The following USP6 variants were observed in gnomAD, a reference collection of about 807,000 sequenced individuals.
USP6 encodes ubiquitin specific peptidase 6, also known as ubiquitin carboxyl-terminal hydrolase 6.
A neutral mutation model predicts 175.7 loss-of-function variants in USP6; 128 were observed. That is an observed-to-expected ratio of 0.73 (90% CI 0.63 to 0.84). USP6 has a LOEUF of 0.84. USP6 is among the 40% of genes least tolerant of loss of function. The pLI is 0.00. For missense variants in USP6, 1,498 were observed against 1,760.3 expected (o/e 0.85, Z 2.67); for synonymous variants, 562 against 630.6 (o/e 0.89, Z 1.63).
At chr17:5,118,920 TTTGA>T (rs755409516) in intron 2 of USP6, among the ~76,000 whole-genome samples, 27 of 152,162 alleles carry the variant, frequency 1.8e-4, no homozygotes, top group Non-Finnish European at 2.8e-4. Flanking sequence ...AAAGGCAACA[TTTGA>T]TTGGTAAGAA....
rs143899101 is a variant in USP6 at position 5,157,651 on chromosome 17, G to A, written c.2828+2045G>A. On this transcript the variant is annotated intron_variant, in intron 31 of 37. Coordinates refer to ENST00000574788, the MANE Select transcript of USP6 (RefSeq NM_001304284.2). ...TTCTTTTTTCTGGTTGGCGGGGGGCGGGATGGAGTCTTGCTCTGTCGCCAG... is the reference window on the plus strand; with the variant it reads ...TTCTTTTTTCTGGTTGGCGGGGGGCAGGATGGAGTCTTGCTCTGTCGCCAG... Among the ~76,000 whole-genome samples the A allele has an allele frequency of 7.9e-5, 12 of 152,018 alleles. No individual in the cohort carries two copies. The East Asian group carries it at 1.9e-3, about 25-fold the overall frequency.
intron 6 of USP6, among the ~76,000 whole-genome samples, chr17:5,126,589 C>T (rs556650656): frequency 3.9e-5 from 6 of 152,170 alleles, no homozygotes; most frequent in Non-Finnish European, 8.8e-5. Flanking sequence ...TTGTGTCTCT[C>T]TCCCCATCTC....
intron 31 of USP6, among the ~76,000 whole-genome samples, chr17:5,157,377 C>T (rs1430594266): frequency 3.3e-5 from 5 of 152,098 alleles, no homozygotes; most frequent in African/African-American, 7.2e-5. Context: ...TGAGCCATCG[C>T]GCCCAGCCAA....
Position 5,168,803 on chromosome 17 carries a change from C to G in USP6, c.3265C>G (p.Gln1089Glu), listed in dbSNP as rs781756765. Residue 1089 changes from glutamine to glutamate, a missense_variant, in exon 35 of 38, where the codon CAG becomes GAG. Gln to Glu is a conservative substitution (Grantham distance 29). Transcript: ENST00000574788. ...TAAGCGATTTCAATTTGTAAATGAT[C>G]AGTGGATAAAATCACAGAAAATTGT... Reference protein sequence around the residue: ...HLKRFQFVNDQWIKSQKIVRF... With the variant: ...HLKRFQFVNDEWIKSQKIVRF... 1.2e-6 allele frequency: 2 copies of G among 1,606,522 alleles called. No homozygotes were observed. Among genetic ancestry groups the G allele is most frequent in the Non-Finnish European group, 1.7e-6 (2 of 1,176,554 alleles).
rs565983821 is a variant in USP6 at position 5,130,449 on chromosome 17, G to A, written c.72+10G>A. On this transcript the variant is annotated intron_variant, in intron 10 of 37. Coordinates refer to ENST00000574788, the MANE Select transcript of USP6 (RefSeq NM_001304284.2). The stretch of plus-strand genomic sequence containing the variant: ...TATGAAGTATGACAAGGTACAGTTC[G>A]GTCTGCTCCTTGGAGGGAGGCCTCT... The A allele has an allele frequency of 2.5e-5, 41 of 1,614,042 alleles. No individual in the cohort carries two copies. The South Asian group carries it at 4.0e-4, about 16-fold the overall frequency.
chr17:5,123,093 C>T (rs2072749797), intron 4 of USP6: 1 of 153,464 alleles, frequency 6.5e-6, no homozygotes, highest in African/African-American at 2.4e-5. Context: ...GGGCCCCATC[C>T]TTGTCGTCGT....
In USP6 at chr17:5,133,931, C is replaced by T. The variant is rs1005480673; in HGVS notation, c.429C>T (p.His143=). The part of the protein sequence containing the change: ...RGKRSSEHIH[H]IDLDVRTTLR... Reference sequence around the variant, plus strand: ...AGAGGTCATCTGAACACATCCACCACATCGACCTGGACGTGAGGACGACTC... The same window carrying T: ...AGAGGTCATCTGAACACATCCACCATATCGACCTGGACGTGAGGACGACTC... The change falls in exon 15 of 38, where the codon CAC becomes CAT. Residue 143 remains histidine, a synonymous_variant. Transcript: ENST00000574788. 3 of 1,614,074 alleles carry T rather than the reference C, an allele frequency of 1.9e-6. No individual in the cohort carries two copies. The African/African-American group carries it at 4.0e-5, about 22-fold the overall frequency.
At chr17:5,164,611 C>T (rs531745486) in intron 33 of USP6, among the ~76,000 whole-genome samples, 4 of 152,340 alleles carry the variant, frequency 2.6e-5, no homozygotes, top group East Asian at 1.9e-4. Flanking sequence ...AAACGGCCTA[C>T]GTGACCTGTT....
At chr17:5,144,328 A>G (rs1232109586) in intron 25 of USP6, among the ~76,000 whole-genome samples, 3 of 152,182 alleles carry the variant, frequency 2.0e-5, no homozygotes. Flanking sequence ...TAAAATATAC[A>G]TATTTTATAT....
At chr17:5,155,333 T>A in intron 30 of USP6, 89 bp from the exon 31 acceptor site, 1 of 1,419,486 alleles carries the variant, frequency 7.0e-7, no homozygotes, top group South Asian at 1.2e-5. Flanking sequence ...GAAATGGTGA[T>A]AATGCCTATC....
chr17:5,145,886 G>C, intron 27 of USP6, 137 bp from the exon 28 acceptor site: 1 of 1,265,622 alleles, frequency 7.9e-7, no homozygotes, highest in East Asian at 2.7e-5. Flanking sequence ...ATCTGTTTTA[G>C]TGTTTACCCA....
intron 4 of USP6, chr17:5,123,052 C>T (rs1597963262): frequency 6.5e-6 from 1 of 153,316 alleles, no homozygotes; most frequent in South Asian, 1.8e-4. Context: ...CAGGGCTGGA[C>T]CTGGGCTGGA....
chr17:5,131,058 C>T (rs147396125), intron 11 of USP6, among the ~76,000 whole-genome samples: 52 of 152,324 alleles, frequency 3.4e-4, no homozygotes, highest in African/African-American at 1.3e-3. Flanking sequence ...AGACACCTGG[C>T]CCAGTCTCAG....
intron 13 of USP6, among the ~76,000 whole-genome samples, 167 bp from the exon 14 acceptor site, chr17:5,133,276 T>G (rs2073135482): frequency 6.6e-6 from 1 of 151,908 alleles, no homozygotes; most frequent in Non-Finnish European, 1.5e-5. Context: ...AGACTCTGAG[T>G]GTCCATCCAC....
intron 33 of USP6, among the ~76,000 whole-genome samples, chr17:5,166,773 A>G (rs1254975162): frequency 2.6e-5 from 4 of 151,932 alleles, no homozygotes; most frequent in African/African-American, 9.7e-5. Flanking sequence ...TGGAGAGGGA[A>G]AAATTCTTTC....
At chr17:5,145,293 G>C (rs1264776135) in intron 26 of USP6, 112 bp from the exon 27 acceptor site, 4 of 1,294,166 alleles carry the variant, frequency 3.1e-6, no homozygotes, top group Non-Finnish European at 4.1e-6. Flanking sequence ...GAAGAGTAAG[G>C]ATTATATTCT....
At chr17:5,166,392 T>C (rs1339670248) in intron 33 of USP6, among the ~76,000 whole-genome samples, 1 of 152,194 alleles carries the variant, frequency 6.6e-6, no homozygotes, top group Non-Finnish European at 1.5e-5. Context: ...GACTCTCATG[T>C]AGGGAAAAAG....
At chr17:5,118,831 C>T (rs1394808371) in intron 2 of USP6, among the ~76,000 whole-genome samples, 1 of 152,184 alleles carries the variant, frequency 6.6e-6, no homozygotes, top group Non-Finnish European at 1.5e-5. Context: ...AAAGTCTGGC[C>T]ATCTCTCTCA....
In USP6 at chr17:5,135,887, C is replaced by T; in HGVS notation, c.623C>T (p.Ala208Val). The T allele has an allele frequency of 1.3e-6, 2 of 1,599,304 alleles. No individual in the cohort carries two copies. Among genetic ancestry groups the T allele is most frequent in the Non-Finnish European group, 1.7e-6 (2 of 1,179,798 alleles). Residue 208 changes from alanine (A) to valine (V), a missense_variant, in exon 17 of 38, where the codon GCA (alanine) becomes GTA (valine). Coordinates refer to ENST00000574788, the MANE Select transcript of USP6 (RefSeq NM_001304284.2). Reference protein sequence around the residue: ...LYLPEEDAFWALVQLLASERH... With the variant: ...LYLPEEDAFWVLVQLLASERH... ...CTGCCTGAGGAGGACGCATTCTGGGCACTGGTGCAGCTGCTGGCCAGTGAG... is the reference window on the plus strand; with the variant it reads ...CTGCCTGAGGAGGACGCATTCTGGGTACTGGTGCAGCTGCTGGCCAGTGAG...
Sources: allele counts gnomAD v4.1 joint callset (sites outside exome capture counted in the v4.1 genomes callset), GRCh38; gene constraint gnomAD v4.1.1; transcripts MANE v1.5; gene names NCBI Gene and HGNC (gene_info 2026-07-23, HGNC 2026-07-21).